The following EVC2 variants were observed in gnomAD, a reference collection of about 807,000 sequenced individuals.
EVC2 encodes limbin.
In EVC2, 148 loss-of-function variants were observed where a neutral mutation model predicts 149.3. That is an observed-to-expected ratio of 0.99 (90% CI 0.87 to 1.14). The LOEUF is 1.14. Ranked by LOEUF, EVC2 falls within the 50% of genes most tolerant of loss-of-function variation. EVC2 has a pLI of 0.00. For synonymous variants in EVC2, 776 were observed against 649.9 expected, an observed-to-expected ratio of 1.19 and a Z score of -2.95; for missense variants, 1,854 against 1,627.3, an observed-to-expected ratio of 1.14 and a Z score of -2.40.
chr4:5,707,641 G>A (rs893579859), intron 1 of EVC2, among the ~76,000 whole-genome samples: 3 of 152,126 alleles, frequency 2.0e-5, no homozygotes, highest in Admixed American at 2.0e-4. Context: ...AGTGGCAGTG[G>A]GGAGTGAGGA....
chr4:5,602,550 T>C (rs1168907953), intron 16 of EVC2, among the ~76,000 whole-genome samples: 1 of 151,724 alleles, frequency 6.6e-6, no homozygotes, highest in Non-Finnish European at 1.5e-5. Flanking sequence ...GGTCCAGGTT[T>C]AGAGAAGAAA....
chr4:5,583,067 T>C (rs1290028534), intron 17 of EVC2, among the ~76,000 whole-genome samples: 1 of 152,164 alleles, frequency 6.6e-6, no homozygotes, highest in East Asian at 1.9e-4. Context: ...CTTATAGCAA[T>C]GCAAGAACAG....
the EVC2 span, among the ~76,000 whole-genome samples, chr4:5,530,767 G>A: frequency 0.025 from 3,763 of 152,254 alleles, 76 homozygotes; most frequent in Non-Finnish European, 0.034. Context: ...GTAAACTATT[G>A]TTCCTCAAGT....
At chr4:5,608,525 CTTG>C (rs1238321530) in intron 16 of EVC2, among the ~76,000 whole-genome samples, 6 of 151,980 alleles carry the variant, frequency 3.9e-5, no homozygotes, top group Non-Finnish European at 8.8e-5. Flanking sequence ...AGATTAGCAT[CTTG>C]TTATTTTATT....
At chr4:5,579,245 G>A (rs1336614905) in intron 17 of EVC2, among the ~76,000 whole-genome samples, 5 of 152,160 alleles carry the variant, frequency 3.3e-5, no homozygotes, top group African/African-American at 9.7e-5. Flanking sequence ...CAGGTTTAAA[G>A]TCTGCTTTTC....
chr4:5,551,644 G>T (rs1203463980), intron 21 of EVC2, among the ~76,000 whole-genome samples: 1 of 152,160 alleles, frequency 6.6e-6, no homozygotes, highest in African/African-American at 2.4e-5. Flanking sequence ...TTTTGGGAAG[G>T]CATGATTGAT....
At chr4:5,536,506 TGGGC>T in the EVC2 span, among the ~76,000 whole-genome samples, 1 of 152,154 alleles carries the variant, frequency 6.6e-6, no homozygotes, top group Non-Finnish European at 1.5e-5. Flanking sequence ...GAGTTATGGC[TGGGC>T]GCGGTGGCTC....
intron 14 of EVC2, among the ~76,000 whole-genome samples, chr4:5,621,985 C>T (rs370570380): frequency 3.9e-5 from 6 of 151,974 alleles, no homozygotes; most frequent in Non-Finnish European, 4.4e-5. Flanking sequence ...ATACATAGCC[C>T]GAGAAATGGA....
chr4:5,587,255 A>G (rs1014647553), intron 16 of EVC2, among the ~76,000 whole-genome samples: 1 of 152,200 alleles, frequency 6.6e-6, no homozygotes, highest in Non-Finnish European at 1.5e-5. Context: ...ACACCTCTTA[A>G]GCAATTATTC....
At chr4:5,631,572 G>GGA (rs534756261) in intron 11 of EVC2, among the ~76,000 whole-genome samples, 1 of 151,788 alleles carries the variant, frequency 6.6e-6, no homozygotes, top group Admixed American at 6.6e-5. Context: ...TAGACTGGGG[G>GGA]GGGGAACTGA....
chr4:5,583,564 T>C (rs1711995533), intron 17 of EVC2, among the ~76,000 whole-genome samples: 3 of 152,172 alleles, frequency 2.0e-5, no homozygotes, highest in Admixed American at 6.5e-5. Context: ...TTTTTTCTAC[T>C]TGAGCCAATT....
intron 4 of EVC2, among the ~76,000 whole-genome samples, 186 bp downstream of exon 4, chr4:5,691,079 T>C (rs1248086808): frequency 1.3e-5 from 2 of 152,234 alleles, no homozygotes; most frequent in Non-Finnish European, 2.9e-5. Context: ...GTAACAAAAA[T>C]AATCTCAGTC....
rs780424669 is a variant in EVC2, at chr4:5,681,325, AAAAAG to A, written c.817-17_817-13del. ...AGCTGTGTTCTGTTCTAGAAAAGGA[AAAAAG>A]AAAACACTTTCAGCAACAGTTTGGG... On this transcript the variant is annotated splice_polypyrimidine_tract_variant and intron_variant, in intron 6 of 21. Transcript: ENST00000344408. 1 of 1,614,230 alleles carries A rather than the reference AAAAAG, an allele frequency of 6.2e-7. No individual in the cohort carries two copies. Among genetic ancestry groups the A allele is most frequent in the Non-Finnish European group, 8.5e-7 (1 of 1,180,030 alleles).
At chr4:5,683,116 C>T (rs1006059944) in intron 6 of EVC2, among the ~76,000 whole-genome samples, 3 of 152,188 alleles carry the variant, frequency 2.0e-5, no homozygotes, top group Non-Finnish European at 4.4e-5. Context: ...ATCAAAATAC[C>T]GTAAGTCCTC....
chr4:5,643,273 T>C (rs1560190114), intron 9 of EVC2, among the ~76,000 whole-genome samples: 1 of 152,212 alleles, frequency 6.6e-6, no homozygotes, highest in East Asian at 1.9e-4. Flanking sequence ...ATCCCTGTAC[T>C]GGAAGGAAAG....
intron 21 of EVC2, among the ~76,000 whole-genome samples, chr4:5,546,571 G>A (rs188572710): frequency 6.6e-6 from 1 of 152,002 alleles, no homozygotes; most frequent in Admixed American, 6.6e-5. Flanking sequence ...ATTGTGGGGT[G>A]GGGGGATGGG....
chr4:5,690,281 C>A (rs558138846), intron 4 of EVC2, among the ~76,000 whole-genome samples: 2 of 152,200 alleles, frequency 1.3e-5, no homozygotes, highest in Non-Finnish European at 2.9e-5. Flanking sequence ...AAAGGCTTAA[C>A]TCAGCAGGCC....
chr4:5,631,567 TGG>T (rs71227270), intron 11 of EVC2, among the ~76,000 whole-genome samples: 6 of 148,814 alleles, frequency 4.0e-5, no homozygotes, highest in African/African-American at 1.2e-4. Flanking sequence ...CGCAGTAGAC[TGG>T]GGGGGGGAAC....
At position 5,679,093 on chromosome 4, in the gene EVC2, G is replaced by A. The variant is rs1720174294; in HGVS notation, c.870+2167C>T. ...ACAAAAAAAAAAATACACTCGTATA[G>A]GAAATGTATCATAACTCGAGCTTGC... is the stretch of plus-strand genomic sequence containing the variant. On this transcript the variant is annotated intron_variant, in intron 7 of 21. Coordinates refer to ENST00000344408, the MANE Select transcript of EVC2 (RefSeq NM_147127.5). The surrounding 1 kb of genome is among the most constrained non-coding windows in gnomAD (Gnocchi z 5.1). Among the ~76,000 whole-genome samples the A allele has an allele frequency of 1.3e-5, 2 of 152,092 alleles. No individual in the cohort carries two copies. Among genetic ancestry groups the A allele is most frequent in the Admixed American group, 6.5e-5 (1 of 15,268 alleles).
Sources: allele counts gnomAD v4.1 joint callset (sites outside exome capture counted in the v4.1 genomes callset), GRCh38; gene constraint gnomAD v4.1.1; non-coding constraint Gnocchi (gnomAD v3.1); transcripts MANE v1.5; gene names NCBI Gene and HGNC (gene_info 2026-07-23, HGNC 2026-07-21).